The following RADIL variants were observed in gnomAD, a reference collection of about 807,000 sequenced individuals.
RADIL encodes Rap associating with DIL domain, also known as ras-associating and dilute domain-containing protein.
Under a neutral mutation model 97.6 loss-of-function variants are expected in RADIL, and 99 were observed. That is an observed-to-expected ratio of 1.01 (90% confidence interval 0.86 to 1.20). The LOEUF (loss-of-function observed/expected upper bound fraction) is 1.20, where lower values mean the gene tolerates loss of function less well. Ranked by LOEUF, RADIL falls within the 50% of genes most tolerant of loss-of-function variation. The pLI, the probability that RADIL is intolerant of heterozygous loss-of-function variation, is 0.00. For missense variants in RADIL, 1,765 were observed against 1,498.9 expected (o/e 1.18, Z -2.93); for synonymous variants, 803 against 691.8 (o/e 1.16, Z -2.52).
intron 2 of RADIL, among the ~76,000 whole-genome samples, chr7:4,863,991 G>A (rs919236353): frequency 6.6e-6 from 1 of 152,106 alleles, no homozygotes; most frequent in Non-Finnish European, 1.5e-5. Context: ...TGGGTACTCA[G>A]CTATGCATTC....
intron 5 of RADIL, among the ~76,000 whole-genome samples, chr7:4,826,640 T>C (rs906052155): frequency 6.7e-6 from 1 of 148,718 alleles, no homozygotes; most frequent in Non-Finnish European, 1.5e-5. Flanking sequence ...GGCTGAGGCA[T>C]GAGAATCGCT....
Position 4,849,458 on chromosome 7 carries a change from G to A in RADIL, c.536-12853C>T, listed in dbSNP as rs1377636019. On this transcript the variant is annotated intron_variant, in intron 2 of 14. Coordinates refer to ENST00000399583, the MANE Select transcript of RADIL (RefSeq NM_018059.5). The surrounding 1 kb of genome is among the most constrained non-coding windows in gnomAD (Gnocchi z 5.4). Reference sequence around the variant, plus strand: ...TCTTCTAACATCTCTGGAACTGGAAGGCATCCTGTATTCTGTGGAATGTCG... The same window carrying A: ...TCTTCTAACATCTCTGGAACTGGAAAGCATCCTGTATTCTGTGGAATGTCG... Among the ~76,000 whole-genome samples, 1 of 152,152 alleles carries A rather than the reference G, an allele frequency of 6.6e-6. No homozygotes were observed. The highest frequency in any genetic ancestry group is 2.4e-5 in the African/African-American group (1 of 41,432).
At chr7:4,808,097 T>C (rs556999817) in intron 9 of RADIL, among the ~76,000 whole-genome samples, 4 of 96,646 alleles carry the variant, frequency 4.1e-5, no homozygotes, top group South Asian at 5.1e-4. Context: ...CCCTCCTCCT[T>C]CTTCCTCTCT....
chr7:4,861,637 T>G (rs760261801), intron 2 of RADIL: 41 of 1,608,106 alleles, frequency 2.5e-5, no homozygotes, highest in Non-Finnish European at 3.2e-5. Flanking sequence ...TGCGCTGCAG[T>G]TCCTCTTCCT....
rs1782600851 is a variant in RADIL, at chr7:4,813,517, C to T, written c.2139+1761G>A. On this transcript the variant is annotated intron_variant, in intron 9 of 14. Transcript: ENST00000399583. The surrounding 1 kb of genome is among the most constrained non-coding windows in gnomAD (Gnocchi z 5.0). ...CCCTGAAGTCTCTGAGCTTGCCTCCCTCCTGTGAGATGGCCAGTGCTGTGC... is the reference window on the plus strand; with the variant it reads ...CCCTGAAGTCTCTGAGCTTGCCTCCTTCCTGTGAGATGGCCAGTGCTGTGC... 6.6e-6 allele frequency among the ~76,000 whole-genome samples: 1 copy of T among 152,222 alleles called. No homozygotes were observed. Among genetic ancestry groups the T allele is most frequent in the South Asian group, 2.1e-4 (1 of 4,834 alleles).
chr7:4,822,376 G>A lies in RADIL; in HGVS notation c.1615+18C>T. The A allele has an allele frequency of 6.3e-7, 1 of 1,599,800 alleles. No homozygotes were observed. The highest frequency in any genetic ancestry group is 8.5e-7 in the Non-Finnish European group (1 of 1,174,390). On this transcript the variant is annotated intron_variant, in intron 6 of 14. Transcript: ENST00000399583. This position sits in a 1 kb window ranked among gnomAD's most constrained non-coding sequence, Gnocchi z 5.3. ...CTGGGGTGCTGGCGGGGGGAATGGA[G>A]GGCAGCGCCAGCCGTACCTGTGATG...
intron 5 of RADIL, among the ~76,000 whole-genome samples, chr7:4,826,608 C>G (rs1418627618): frequency 1.3e-5 from 2 of 151,836 alleles, no homozygotes; most frequent in Admixed American, 1.3e-4. Context: ...TGGCGCGTGC[C>G]TGTAATCCTA....
rs1782731812 is a variant in RADIL, at chr7:4,818,254, A to G, written c.1616-903T>C. 6.6e-6 allele frequency among the ~76,000 whole-genome samples: 1 copy of G among 151,848 alleles called. No individual in the cohort carries two copies. Among genetic ancestry groups the G allele is most frequent in the Admixed American group, 6.5e-5 (1 of 15,278 alleles). ...GCGGCGCCTGGTGAGCCAGGCCAACACTCACCCCAGCGCGGGCCTCCCAGG... is the reference window on the plus strand; with the variant it reads ...GCGGCGCCTGGTGAGCCAGGCCAACGCTCACCCCAGCGCGGGCCTCCCAGG... On this transcript the variant is annotated intron_variant, in intron 6 of 14. Coordinates refer to ENST00000399583, the MANE Select transcript of RADIL (RefSeq NM_018059.5). This position sits in a 1 kb window ranked among gnomAD's most constrained non-coding sequence, Gnocchi z 7.1.
At chr7:4,810,020 A>C (rs1429701098) in intron 9 of RADIL, among the ~76,000 whole-genome samples, 1 of 152,018 alleles carries the variant, frequency 6.6e-6, no homozygotes, top group Non-Finnish European at 1.5e-5. Flanking sequence ...ATGCCTGGCT[A>C]GTTTTTCTAT....
intron 1 of RADIL, among the ~76,000 whole-genome samples, chr7:4,881,414 CAAAAAAAAA>C (rs58871429): frequency 3.4e-4 from 28 of 82,290 alleles, no homozygotes; most frequent in Non-Finnish European, 6.4e-4. Context: ...GACTCCCTCT[CAAAAAAAAA>C]AAAAAAAAAA....
At chr7:4,850,177 T>C (rs1783672743) in intron 2 of RADIL, among the ~76,000 whole-genome samples, 1 of 147,878 alleles carries the variant, frequency 6.8e-6, no homozygotes, top group Non-Finnish European at 1.5e-5. Context: ...TTTATTTTTT[T>C]CTTCATTCCT....
intron 10 of RADIL, 85 bp from the exon 11 acceptor site, chr7:4,803,839 C>T (rs1782199577): frequency 8.0e-7 from 1 of 1,248,172 alleles, no homozygotes; most frequent in East Asian, 2.5e-5. Flanking sequence ...TGTGGGAACC[C>T]AGGGGCCAGC....
At chr7:4,874,184 G>C (rs973302575) in intron 2 of RADIL, among the ~76,000 whole-genome samples, 3 of 152,258 alleles carry the variant, frequency 2.0e-5, no homozygotes, top group African/African-American at 7.2e-5. Flanking sequence ...ACAGTTCCAA[G>C]TGGGAGACTG....
At chr7:4,868,494 C>T (rs756055834) in intron 2 of RADIL, among the ~76,000 whole-genome samples, 3 of 152,242 alleles carry the variant, frequency 2.0e-5, no homozygotes, top group Non-Finnish European at 4.4e-5. Flanking sequence ...GCTTCCTCTG[C>T]AGCCAGAGCC....
intron 2 of RADIL, among the ~76,000 whole-genome samples, chr7:4,875,684 C>T (rs937274791): frequency 1.3e-5 from 2 of 152,200 alleles, no homozygotes; most frequent in African/African-American, 2.4e-5. Flanking sequence ...GAAGAATGAC[C>T]GAAATTCTGT....
At position 4,800,329 on chromosome 7, in the gene RADIL, A is replaced by G; in HGVS notation, c.2843-19T>C. 7.0e-7 allele frequency: 1 copy of G among 1,431,554 alleles called. No homozygotes were observed. The highest frequency in any genetic ancestry group is 9.2e-7 in the Non-Finnish European group (1 of 1,092,078). 88.7% of individuals were successfully genotyped at this position (1,431,554 alleles called of 1,614,324 possible). On this transcript the variant is annotated intron_variant, in intron 12 of 14. Transcript: ENST00000399583. ...GAGTCTCCTGGGTGGGGGCCAGGAA[A>G]GGTGGGTGGGAGTGAGGCGCCAGGA...
At position 4,872,767 on chromosome 7, in the gene RADIL, G is replaced by T. The variant is rs4720435; in HGVS notation, c.535+4838C>A. ...TGCCTGCGTGCATTTCTACAGGGGG[G>T]TAGCAGTGAACTAAGTGATGAGTGA... On this transcript the variant is annotated intron_variant, in intron 2 of 14. Transcript: ENST00000399583. The surrounding 1 kb of genome is among the most constrained non-coding windows in gnomAD (Gnocchi z 5.8). Among the ~76,000 whole-genome samples the T allele has an allele frequency of 0.27, 40,504 of 152,066 alleles. 5,912 individuals are homozygous for T. Among genetic ancestry groups the T allele is most frequent in the South Asian group, 0.39 (1,896 of 4,816 alleles).
At position 4,878,228 on chromosome 7, in the gene RADIL, A is replaced by T; in HGVS notation, c.-64-25T>A. 1 of 1,345,834 alleles carries T rather than the reference A, an allele frequency of 7.4e-7. No individual in the cohort carries two copies. The highest frequency in any genetic ancestry group is 9.9e-7 in the Non-Finnish European group (1 of 1,014,440). 83.4% of individuals were successfully genotyped at this position (1,345,834 alleles called of 1,614,324 possible). A position where few individuals can be genotyped will look rare whatever the true frequency, so the allele number is the denominator to read the frequency against. On this transcript the variant is annotated intron_variant, in intron 1 of 14. Coordinates refer to ENST00000399583, the MANE Select transcript of RADIL (RefSeq NM_018059.5). This position sits in a 1 kb window ranked among gnomAD's most constrained non-coding sequence, Gnocchi z 4.1. ...CCTGGGTGAAAAAGTGAGAGAGGTT[A>T]GCGCCAACCATCGTGACCACCAAGA... is the stretch of plus-strand genomic sequence containing the variant.
rs548632127 is a variant in RADIL at position 4,835,640 on chromosome 7, C to T, written c.784-401G>A. ...GGGAGCACCACCCCCAGTGTGGGAG[C>T]ACTGCCGCCTGTGTGAGAGCACTGC... On this transcript the variant is annotated intron_variant, in intron 3 of 14. Coordinates refer to ENST00000399583, the MANE Select transcript of RADIL (RefSeq NM_018059.5). The surrounding 1 kb of genome is among the most constrained non-coding windows in gnomAD (Gnocchi z 5.8). Among the ~76,000 whole-genome samples the T allele has an allele frequency of 7.7e-4, 117 of 152,200 alleles. No homozygotes were observed. Among genetic ancestry groups the T allele is most frequent in the African/African-American group, 2.7e-3 (112 of 41,548 alleles).
Sources: gnomAD v4.1 joint callset for allele counts (sites outside exome capture counted in the v4.1 genomes callset) on GRCh38, gnomAD v4.1.1 for gene constraint, Gnocchi (gnomAD v3.1) non-coding constraint, MANE v1.5 for transcripts, NCBI Gene and HGNC (gene_info 2026-07-23, HGNC 2026-07-21) for gene names.